The following FHOD3 variants were observed in gnomAD, a reference collection of about 807,000 sequenced individuals.
The protein encoded by FHOD3 is formin homology 2 domain containing 3, also known as FH1/FH2 domain-containing protein 3.
In FHOD3, 90 loss-of-function variants were observed where a neutral mutation model predicts 173.0. The ratio of observed to expected loss-of-function variants is 0.52; its 90% CI spans 0.44 to 0.62. The LOEUF (loss-of-function observed/expected upper bound fraction) is 0.62, where lower values mean the gene tolerates loss of function less well. Among genes scored for constraint, FHOD3 ranks in the 20% least tolerant of loss-of-function variants. The probability of loss-of-function intolerance (pLI) is 0.00; values close to 1 mark genes in which losing one functional copy is unlikely to be tolerated. For synonymous variants in FHOD3, 828 were observed against 823.0 expected, an observed-to-expected ratio of 1.01 and a Z score of -0.10; for missense variants, 1,945 against 2,034.7, an observed-to-expected ratio of 0.96 and a Z score of 0.85.
At chr18:36,579,480 T>C (rs940373024) in intron 6 of FHOD3, among the ~76,000 whole-genome samples, 4 of 152,170 alleles carry the variant, frequency 2.6e-5, no homozygotes, top group Admixed American at 6.5e-5. Flanking sequence ...AGAGATTACA[T>C]AGAGAATGCT....
intron 3 of FHOD3, among the ~76,000 whole-genome samples, chr18:36,421,749 G>T (rs2049996452): frequency 6.6e-6 from 1 of 152,182 alleles, no homozygotes; most frequent in African/African-American, 2.4e-5. Flanking sequence ...GAATGTTTGT[G>T]GTAGTTTGGG....
intron 1 of FHOD3, among the ~76,000 whole-genome samples, chr18:36,300,117 T>C (rs753688863): frequency 6.6e-6 from 1 of 152,100 alleles, no homozygotes; most frequent in Non-Finnish European, 1.5e-5. Context: ...ACTACACAGC[T>C]CCATAAGGTA....
intron 3 of FHOD3, among the ~76,000 whole-genome samples, chr18:36,453,056 G>A (rs1167815037): frequency 6.6e-6 from 1 of 151,860 alleles, no homozygotes; most frequent in African/African-American, 2.4e-5. Context: ...CCAGAAGTTG[G>A]ATACTAGGGA....
At chr18:36,513,190 A>AAC (rs1039765923) in intron 5 of FHOD3, among the ~76,000 whole-genome samples, 20 of 151,986 alleles carry the variant, frequency 1.3e-4, no homozygotes, top group Admixed American at 1.2e-3. Context: ...GTAAAAAAAA[A>AAC]AAAAACAAAT....
chr18:36,765,554 AC>A (rs914498762), intron 27 of FHOD3, among the ~76,000 whole-genome samples: 1 of 152,240 alleles, frequency 6.6e-6, no homozygotes, highest in Non-Finnish European at 1.5e-5. Flanking sequence ...ACTTGAAATG[AC>A]CATTATAAAT....
At chr18:36,698,634 T>C (rs1257096617) in intron 17 of FHOD3, among the ~76,000 whole-genome samples, 1 of 152,172 alleles carries the variant, frequency 6.6e-6, no homozygotes, top group Admixed American at 6.5e-5. Context: ...ATCAAAATTA[T>C]TATTTCCTAG....
intron 9 of FHOD3, among the ~76,000 whole-genome samples, chr18:36,616,648 A>G (rs555593118): frequency 1.3e-5 from 2 of 152,366 alleles, no homozygotes; most frequent in African/African-American, 4.8e-5. Flanking sequence ...ACCAGCTTTA[A>G]GAACTAAAAC....
chr18:36,583,981 C>A (rs2058943219), intron 6 of FHOD3, among the ~76,000 whole-genome samples: 1 of 152,084 alleles, frequency 6.6e-6, no homozygotes, highest in South Asian at 2.1e-4. Context: ...AACACACCAC[C>A]ACACCCAGCT....
intron 1 of FHOD3, among the ~76,000 whole-genome samples, chr18:36,352,723 G>C (rs1267206766): frequency 3.9e-5 from 6 of 152,204 alleles, no homozygotes; most frequent in African/African-American, 1.4e-4. Flanking sequence ...TTGAGGAAAA[G>C]GACATTGTGA....
intron 5 of FHOD3, among the ~76,000 whole-genome samples, chr18:36,515,497 G>A (rs934760075): frequency 3.3e-5 from 5 of 152,188 alleles, no homozygotes; most frequent in Non-Finnish European, 7.3e-5. Flanking sequence ...GATTACAGGC[G>A]TGAGCCACTG....
intron 1 of FHOD3, among the ~76,000 whole-genome samples, chr18:36,318,699 T>C (rs1473296087): frequency 6.6e-6 from 1 of 152,238 alleles, no homozygotes; most frequent in Non-Finnish European, 1.5e-5. Flanking sequence ...CTTTTCCTAA[T>C]TGAAATTCCT....
intron 5 of FHOD3, among the ~76,000 whole-genome samples, chr18:36,554,991 C>CT (rs1354510267): frequency 6.6e-6 from 1 of 152,102 alleles, no homozygotes; most frequent in Non-Finnish European, 1.5e-5. Flanking sequence ...TTTCATCTGT[C>CT]TTTTCTAAGA....
chr18:36,455,743 A>G (rs1055672318), intron 3 of FHOD3, among the ~76,000 whole-genome samples: 2 of 152,138 alleles, frequency 1.3e-5, no homozygotes, highest in Non-Finnish European at 2.9e-5. Context: ...CATACATTTC[A>G]GTCTTTACTG....
chr18:36,779,722 C>CG lies in FHOD3; in HGVS notation c.*192_*193insG, dbSNP rs780081146. The CG allele has an allele frequency of 1.0e-5, 6 of 583,918 alleles. No homozygotes were observed. Among genetic ancestry groups the CG allele is most frequent in the African/African-American group, 1.9e-5 (1 of 53,664 alleles). The allele number at this position is 583,918 out of a possible 1,614,324, so 36.2% of individuals were successfully genotyped here. On this transcript the variant is annotated 3_prime_UTR_variant, in exon 29 of 29. Coordinates refer to ENST00000590592, the MANE Select transcript of FHOD3 (RefSeq NM_001281740.3). ...GACTTGGATCTCCAGGAGTCCCCTGCACATACCTTCTCCATCGTGTCAGCT... is the reference window on the plus strand; with the variant it reads ...GACTTGGATCTCCAGGAGTCCCCTGCGACATACCTTCTCCATCGTGTCAGCT...
chr18:36,495,529 C>T (rs2054699804), intron 3 of FHOD3, among the ~76,000 whole-genome samples: 1 of 152,212 alleles, frequency 6.6e-6, no homozygotes, highest in Admixed American at 6.5e-5. Context: ...CTCTTGCTGG[C>T]TTAGGGTAGT....
In FHOD3 at chr18:36,709,201, G is replaced by A; in HGVS notation, c.2343G>A (p.Glu781=). The A allele has an allele frequency of 6.2e-7, 1 of 1,614,190 alleles. No individual in the cohort carries two copies. Among genetic ancestry groups the A allele is most frequent in the East Asian group, 2.2e-5 (1 of 44,872 alleles). Residue 781 remains glutamate (E), a synonymous_variant, in exon 18 of 29, where the codon GAG becomes GAA. Transcript: ENST00000590592. ...EAGQDIASAH[E]GAETEVEQAL... ...GCCAGGACATAGCCTCTGCCCACGA[G>A]GGTGCAGAGACTGAAGTGGAGCAGG...
chr18:36,327,950 T>G (rs952029268), intron 1 of FHOD3, among the ~76,000 whole-genome samples: 4 of 152,156 alleles, frequency 2.6e-5, no homozygotes, highest in Non-Finnish European at 2.9e-5. Context: ...ATGGGTCAGA[T>G]TTGGCCCATG....
At chr18:36,493,983 G>A (rs1568345550) in intron 3 of FHOD3, among the ~76,000 whole-genome samples, 1 of 152,272 alleles carries the variant, frequency 6.6e-6, no homozygotes, top group South Asian at 2.1e-4. Flanking sequence ...ACCCCAAAGC[G>A]TGATACTGTA....
intron 14 of FHOD3, among the ~76,000 whole-genome samples, chr18:36,660,283 CA>C (rs758589527): frequency 6.6e-6 from 1 of 151,980 alleles, no homozygotes; most frequent in Admixed American, 6.6e-5. Context: ...AAAACAAAAA[CA>C]AAAAAGACTT....
Sources: allele counts gnomAD v4.1 joint callset (sites outside exome capture counted in the v4.1 genomes callset), GRCh38; gene constraint gnomAD v4.1.1; transcripts MANE v1.5; gene names NCBI Gene and HGNC (gene_info 2026-07-23, HGNC 2026-07-21).